Variants in TNXB observed in about 807,000 individuals in gnomAD.
The protein encoded by TNXB is tenascin XB, also known as tenascin-X.
In TNXB, 183 loss-of-function variants were observed where a neutral mutation model predicts 340.5. The observed-to-expected ratio is 0.54, with a 90% CI of 0.48 to 0.61. The LOEUF (loss-of-function observed/expected upper bound fraction) is 0.61. Ranked by LOEUF, TNXB falls within the 20% of genes least tolerant of loss-of-function variation. The probability of loss-of-function intolerance (pLI) is 0.00; values close to 1 mark genes in which losing one functional copy is unlikely to be tolerated. For synonymous variants in TNXB, 2,121 were observed against 2,314.5 expected (o/e 0.92, Z 2.40); for missense variants, 4,613 against 5,446.4 (o/e 0.85, Z 4.82).
Position 32,079,738 on chromosome 6 carries a change from T to G in TNXB, c.4043-373A>C, listed in dbSNP as rs978753460. 1.3e-5 allele frequency among the ~76,000 whole-genome samples: 2 copies of G among 152,094 alleles called. No individual in the cohort carries two copies. Among genetic ancestry groups the G allele is most frequent in the Non-Finnish European group, 2.9e-5 (2 of 67,998 alleles). On this transcript the variant is annotated intron_variant, in intron 10 of 43. Transcript: ENST00000644971. The surrounding 1 kb of genome is among the most constrained non-coding windows in gnomAD (Gnocchi z 7.1). ...GGCTGCCCCACCCCTCATATGAGGATCTGACCATGGAATGTGCTCTTGCTG... is the reference window on the plus strand; with the variant it reads ...GGCTGCCCCACCCCTCATATGAGGAGCTGACCATGGAATGTGCTCTTGCTG...
rs1778601079 is a variant in TNXB at position 32,069,174 on chromosome 6, T to C, written c.5588-38A>G. On this transcript the variant is annotated intron_variant, in intron 15 of 43. Transcript: ENST00000644971. This position sits in a 1 kb window ranked among gnomAD's most constrained non-coding sequence, Gnocchi z 6.2. ...GACAGGTAGAGACAGATGGCTGGTGTGTCGCTGCACCCAGACTCTCAGGAG... is the reference window on the plus strand; with the variant it reads ...GACAGGTAGAGACAGATGGCTGGTGCGTCGCTGCACCCAGACTCTCAGGAG... 1 of 1,564,280 alleles carries C rather than the reference T, an allele frequency of 6.4e-7. No homozygotes were observed. The highest frequency in any genetic ancestry group is 8.6e-7 in the Non-Finnish European group (1 of 1,157,068).
In TNXB at chr6:32,068,171, G is replaced by C. The variant is rs1009428520; in HGVS notation, c.6221-187C>G. On this transcript the variant is annotated intron_variant, in intron 17 of 43. Coordinates refer to ENST00000644971, the MANE Select transcript of TNXB (RefSeq NM_001365276.2). This position sits in a 1 kb window ranked among gnomAD's most constrained non-coding sequence, Gnocchi z 5.3. ...CCAGGGTCAGCTGTGGGGGACCTGG[G>C]ACAGCCACCAGCACAGCAAAATTCC... 3.9e-5 allele frequency among the ~76,000 whole-genome samples: 6 copies of C among 152,156 alleles called. No homozygotes were observed. Among genetic ancestry groups the C allele is most frequent in the African/African-American group, 9.7e-5 (4 of 41,424 alleles).
chr6:32,078,097 AAG>A (rs70990295), intron 11 of TNXB, among the ~76,000 whole-genome samples: 18,216 of 145,990 alleles, frequency 0.12, 1,646 homozygotes, highest in South Asian at 0.28. Context: ...GAAAGAAAGA[AAG>A]AAAGAAAGAA....
intron 26 of TNXB, among the ~76,000 whole-genome samples, chr6:32,050,595 C>T (rs554961945): frequency 1.3e-5 from 2 of 151,624 alleles, no homozygotes; most frequent in South Asian, 4.2e-4. Context: ...CTCCACTTGG[C>T]CTCTGCACCC....
At position 32,073,843 on chromosome 6, in the gene TNXB, T is replaced by C. The variant is rs1186636143; in HGVS notation, c.4485A>G (p.Thr1495=). 1 of 1,611,890 alleles carries C rather than the reference T, an allele frequency of 6.2e-7. No individual in the cohort carries two copies. Among genetic ancestry groups the C allele is most frequent in the African/African-American group, 1.3e-5 (1 of 74,856 alleles). The change falls in exon 12 of 44, where the codon ACA becomes ACG. Residue 1495 remains threonine, a synonymous_variant. Coordinates refer to ENST00000644971, the MANE Select transcript of TNXB (RefSeq NM_001365276.2). This position sits in a 1 kb window ranked among gnomAD's most constrained non-coding sequence, Gnocchi z 4.6. ...VTPNSVGLSW[T]VPEGQFDSFI... is the part of the protein sequence containing the mutation. ...AGGAGTCAAACTGGCCCTCGGGGAC[T>C]GTCCAGGAGAGGCCCACAGAGTTGG...
At position 32,055,202 on chromosome 6, in the gene TNXB, C is replaced by T. The variant is rs115925169; in HGVS notation, c.8467+649G>A. On this transcript the variant is annotated intron_variant, in intron 24 of 43. Transcript: ENST00000644971. ...TTCCTTAAATGCTTTCCTAAAACACCAAACACAAGCCCAGTTCCTTAACAA... is the reference window on the plus strand; with the variant it reads ...TTCCTTAAATGCTTTCCTAAAACACTAAACACAAGCCCAGTTCCTTAACAA... 3.3e-5 allele frequency among the ~76,000 whole-genome samples: 5 copies of T among 152,126 alleles called. 1 individual carries two copies. Among genetic ancestry groups the T allele is most frequent in the Non-Finnish European group, 7.4e-5 (5 of 68,022 alleles).
In TNXB at chr6:32,084,546, C is replaced by CT; in HGVS notation, c.3311dup (p.Val1105GlyfsTer41). ...GCTGGGGTCCTTCCACGGGCACCAC[C>CT]TGGGGCTGCCCGTCCCTGTCTTTGT... On this transcript the variant is annotated frameshift_variant, in exon 8 of 44. Coordinates refer to ENST00000644971, the MANE Select transcript of TNXB (RefSeq NM_001365276.2). LOFTEE classifies it high-confidence loss of function. This position sits in a 1 kb window ranked among gnomAD's most constrained non-coding sequence, Gnocchi z 5.5. 6.2e-7 allele frequency: 1 copy of CT among 1,608,966 alleles called. No individual in the cohort carries two copies. The highest frequency in any genetic ancestry group is 8.5e-7 in the Non-Finnish European group (1 of 1,178,708).
chr6:32,050,949 A>G (rs1777252441), intron 26 of TNXB, among the ~76,000 whole-genome samples: 1 of 152,184 alleles, frequency 6.6e-6, no homozygotes, highest in Admixed American at 6.5e-5. Flanking sequence ...TGCTGGGGCC[A>G]TCTCAGCACA....
At position 32,047,344 on chromosome 6, in the gene TNXB, C is replaced by T. The variant is rs1776958565; in HGVS notation, c.10324+390G>A. Among the ~76,000 whole-genome samples the T allele has an allele frequency of 6.6e-6, 1 of 152,210 alleles. No individual in the cohort carries two copies. Among genetic ancestry groups the T allele is most frequent in the Non-Finnish European group, 1.5e-5 (1 of 68,034 alleles). ...CCAAGCCCTCCCTTTTCTTCCACCC[C>T]TCGGCTCCGAGTCAGGGAGGAGGGA... On this transcript the variant is annotated intron_variant, in intron 30 of 43. Transcript: ENST00000644971. The surrounding 1 kb of genome is among the most constrained non-coding windows in gnomAD (Gnocchi z 6.2).
In TNXB at chr6:32,098,169, G is replaced by A. The variant is rs779316124; in HGVS notation, c.30C>T (p.Ser10=). MMPAQYALT[S]SLVLLVLLST... ...TCAGCAGCACCAGGAGAACCAGGCT[G>A]GAGGTTAGAGCATACTGGGCTGGCA... Residue 10 remains serine (S), a synonymous_variant, in exon 2 of 44, where the codon TCC becomes TCT. Coordinates refer to ENST00000644971, the MANE Select transcript of TNXB (RefSeq NM_001365276.2). 1.2e-5 allele frequency: 18 copies of A among 1,560,052 alleles called. No homozygotes were observed. The South Asian group carries it at 2.1e-4, about 18-fold the overall frequency.
In TNXB at chr6:32,084,516, C is replaced by T. The variant is rs373642993; in HGVS notation, c.3342G>A (p.Ser1114=). The change falls in exon 8 of 44, where the codon TCG becomes TCA. Residue 1114 remains serine (S), a synonymous_variant. Coordinates refer to ENST00000644971, the MANE Select transcript of TNXB (RefSeq NM_001365276.2). This position sits in a 1 kb window ranked among gnomAD's most constrained non-coding sequence, Gnocchi z 5.5. ...CAGGATCCAGGGAGGTGATGACGGC[C>T]GAGCGCTGGGGTCCTTCCACGGGCA... The part of the protein sequence containing the change: ...QVVPVEGPQR[S]AVITSLDPGR... The T allele has an allele frequency of 6.1e-5, 98 of 1,609,250 alleles. No homozygotes were observed. Among genetic ancestry groups the T allele is most frequent in the Middle Eastern group, 1.7e-4 (1 of 6,056 alleles).
Position 32,098,077 on chromosome 6 carries a change from G to A in TNXB, c.122C>T (p.Pro41Leu), listed in dbSNP as rs769084817. ...CCCCACTGTGTGGCCCCCTGGCTGG[G>A]GAGGGGGCCGGGGGGCTGGCAGTGT... ...NVTLPAPRPP[P>L]QPGGHTVGAG... The change falls in exon 2 of 44, where the codon CCC becomes CTC. Residue 41 changes from proline (P) to leucine (L), a missense_variant. Physicochemically the swap from Pro to Leu is moderately conservative, Grantham distance 98. This residue lies in a region of TNXB where 4,327 missense variants were observed against 4,859.4 expected (regional missense o/e 0.89). Transcript: ENST00000644971. 1.9e-6 allele frequency: 3 copies of A among 1,605,778 alleles called. No individual in the cohort carries two copies. Among genetic ancestry groups the A allele is most frequent in the Admixed American group, 3.3e-5 (2 of 59,992 alleles).
chr6:32,049,174 T>A lies in TNXB; in HGVS notation c.9757+96A>T. On this transcript the variant is annotated intron_variant, in intron 28 of 43. Coordinates refer to ENST00000644971, the MANE Select transcript of TNXB (RefSeq NM_001365276.2). The surrounding 1 kb of genome is among the most constrained non-coding windows in gnomAD (Gnocchi z 4.5). ...CAACATGGGAGAAAAGACAGAAACC[T>A]AGAGGCCCAGTCAAAAGAGGTGCCA... The A allele has an allele frequency of 6.9e-7, 1 of 1,440,348 alleles. No homozygotes were observed. The highest frequency in any genetic ancestry group is 9.2e-7 in the Non-Finnish European group (1 of 1,088,834). The allele number at this position is 1,440,348 out of a possible 1,614,324, so 89.2% of individuals were successfully genotyped here. A position where few individuals can be genotyped will look rare whatever the true frequency, so the allele number is the denominator to read the frequency against.
chr6:32,052,312 G>A lies in TNXB; in HGVS notation c.9115+358C>T, dbSNP rs566593582. 6.6e-6 allele frequency among the ~76,000 whole-genome samples: 1 copy of A among 152,192 alleles called. No homozygotes were observed. The highest frequency in any genetic ancestry group is 6.5e-5 in the Admixed American group (1 of 15,290). ...AAAAATATGAAAAAATTAGCTGGGC[G>A]TGGTGGCGCACGCCTGTAGTCCCAG... On this transcript the variant is annotated intron_variant, in intron 26 of 43. Coordinates refer to ENST00000644971, the MANE Select transcript of TNXB (RefSeq NM_001365276.2). The surrounding 1 kb of genome is among the most constrained non-coding windows in gnomAD (Gnocchi z 4.7).
At chr6:32,093,830 CT>C (rs1395709611) in intron 4 of TNXB, among the ~76,000 whole-genome samples, 4 of 152,088 alleles carry the variant, frequency 2.6e-5, no homozygotes, top group African/African-American at 4.8e-5. Flanking sequence ...TGGCTCATGC[CT>C]GTAATCCCAG....
Position 32,069,912 on chromosome 6 carries a change from G to A in TNXB, c.5279-51C>T. The A allele has an allele frequency of 6.6e-7, 1 of 1,520,852 alleles. No individual in the cohort carries two copies. Among genetic ancestry groups the A allele is most frequent in the Non-Finnish European group, 8.8e-7 (1 of 1,130,360 alleles). 94.2% of individuals were successfully genotyped at this position (1,520,852 alleles called of 1,614,324 possible). A position where few individuals can be genotyped will look rare whatever the true frequency, so the allele number is the denominator to read the frequency against. ...CGGCTGAGCTGTTTCTGGAAGACTG[G>A]GTGACCTCGACGGGCAGGATTGAGA... On this transcript the variant is annotated intron_variant, in intron 14 of 43. Coordinates refer to ENST00000644971, the MANE Select transcript of TNXB (RefSeq NM_001365276.2). This position sits in a 1 kb window ranked among gnomAD's most constrained non-coding sequence, Gnocchi z 6.2.
At position 32,043,815 on chromosome 6, in the gene TNXB, C is replaced by A; in HGVS notation, c.11464G>T (p.Glu3822Ter). Reference sequence around the variant, plus strand: ...CCTCGGACCGAGACCACGGTCACCTCATAGCGAGCGCCTGGGATCAGCCCC... The same window carrying A: ...CCTCGGACCGAGACCACGGTCACCTAATAGCGAGCGCCTGGGATCAGCCCC... ...LQGLIPGARY[E>*]VTVVSVRGFE... is the part of the protein sequence containing the mutation. The change falls in exon 35 of 44, where the codon GAG (glutamate) becomes TAG (stop). Residue 3822 changes from glutamate (E) to a stop codon, truncating the protein, a stop_gained. Transcript: ENST00000644971. LOFTEE classifies it high-confidence loss of function. 6.2e-7 allele frequency: 1 copy of A among 1,613,654 alleles called. No individual in the cohort carries two copies. The highest frequency in any genetic ancestry group is 8.5e-7 in the Non-Finnish European group (1 of 1,180,020).
Position 32,070,384 on chromosome 6 carries a change from G to T in TNXB, c.5021C>A (p.Pro1674Gln). 1 of 1,597,842 alleles carries T rather than the reference G, an allele frequency of 6.3e-7. No homozygotes were observed. Among genetic ancestry groups the T allele is most frequent in the Non-Finnish European group, 8.5e-7 (1 of 1,170,696 alleles). Residue 1674 changes from proline (P) to glutamine (Q), a missense_variant, in exon 14 of 44, where the codon CCA becomes CAA. Physicochemically the swap from Pro to Gln is moderately conservative, Grantham distance 76 (BLOSUM62 -1). This residue lies in a region of TNXB where 4,327 missense variants were observed against 4,859.4 expected (regional missense o/e 0.89). Transcript: ENST00000644971. This position sits in a 1 kb window ranked among gnomAD's most constrained non-coding sequence, Gnocchi z 6.0. ...VARGDASPGA[P>Q]PRLGELWVTD... ...CACCCACAGCTCCCCAAGGCGGGGT[G>T]GGGCCCCTGGGCTGGCGTCACCTCG...
At position 32,084,313 on chromosome 6, in the gene TNXB, TCCAGGAAG is replaced by T; in HGVS notation, c.3445+92_3445+99del. ...AGAATTCAGCTCATGCACCACTGCC[TCCAGGAAG>T]CCTTCCCGGAGCTCCCAAAGCAGGT... On this transcript the variant is annotated intron_variant, in intron 8 of 43. Coordinates refer to ENST00000644971, the MANE Select transcript of TNXB (RefSeq NM_001365276.2). This position sits in a 1 kb window ranked among gnomAD's most constrained non-coding sequence, Gnocchi z 5.5. 2 of 1,030,688 alleles carry T rather than the reference TCCAGGAAG, an allele frequency of 1.9e-6. No individual in the cohort carries two copies. Among genetic ancestry groups the T allele is most frequent in the African/African-American group, 1.9e-5 (1 of 53,486 alleles). The allele number at this position is 1,030,688 out of a possible 1,614,324, so 63.8% of individuals were successfully genotyped here.
Sources: allele counts gnomAD v4.1 joint callset (sites outside exome capture counted in the v4.1 genomes callset), GRCh38; gene constraint gnomAD v4.1.1; regional missense constraint gnomAD v4.1.1; non-coding constraint Gnocchi (gnomAD v3.1); transcripts MANE v1.5; gene names NCBI Gene and HGNC (gene_info 2026-07-23, HGNC 2026-07-21).